The following GLIS3 variants were observed in gnomAD, a reference collection of about 807,000 sequenced individuals.
GLIS3 encodes the protein GLIS family zinc finger 3, also known as zinc finger protein GLIS3.
A neutral mutation model predicts 78.6 loss-of-function variants in GLIS3; 53 were observed. That is an observed-to-expected ratio of 0.67 (90% CI 0.54 to 0.85). The LOEUF (loss-of-function observed/expected upper bound fraction) is 0.85, where lower values mean the gene tolerates loss of function less well. GLIS3 is among the 40% of genes least tolerant of loss of function. GLIS3 has a pLI of 0.00. For synonymous variants in GLIS3, 684 were observed against 509.9 expected (o/e 1.34, Z -4.60); for missense variants, 1,703 against 1,231.1 (o/e 1.38, Z -5.74).
chr9:4,195,847 G>C (rs1818786623), intron 2 of GLIS3, among the ~76,000 whole-genome samples: 10 of 152,252 alleles, frequency 6.6e-5, no homozygotes, highest in Admixed American at 6.5e-4. Context: ...CCAGTGTTCT[G>C]TGTCTAGCTA....
the GLIS3 span, among the ~76,000 whole-genome samples, chr9:4,359,315 A>C: frequency 6.6e-6 from 1 of 151,778 alleles, no homozygotes; most frequent in Non-Finnish European, 1.5e-5. Flanking sequence ...TTTTCTCCTT[A>C]CCTTACTGCC....
intron 4 of GLIS3, among the ~76,000 whole-genome samples, chr9:4,012,873 A>C (rs868717505): frequency 1.3e-5 from 2 of 149,376 alleles, no homozygotes; most frequent in South Asian, 4.2e-4. Context: ...TCTGGGTTCA[A>C]GTAATTCTCC....
chr9:4,281,870 T>C (rs537328138), intron 2 of GLIS3, among the ~76,000 whole-genome samples: 25 of 152,268 alleles, frequency 1.6e-4, no homozygotes, highest in African/African-American at 5.5e-4. Context: ...ATATCACATA[T>C]CCCTGTTTCC....
At chr9:4,428,176 A>AAAT in the GLIS3 span, among the ~76,000 whole-genome samples, 124 of 151,494 alleles carry the variant, frequency 8.2e-4, no homozygotes, top group African/African-American at 2.6e-3. Context: ...TGCCTACCAA[A>AAAT]AATAATAATA....
At chr9:4,467,421 C>T in the GLIS3 span, among the ~76,000 whole-genome samples, 8 of 152,126 alleles carry the variant, frequency 5.3e-5, no homozygotes, top group African/African-American at 1.4e-4. Flanking sequence ...ACAGGACCCT[C>T]GGAGATGAAG....
chr9:4,439,903 G>A, the GLIS3 span, among the ~76,000 whole-genome samples: 1 of 152,096 alleles, frequency 6.6e-6, no homozygotes, highest in Non-Finnish European at 1.5e-5. Context: ...GGCTGGTCTT[G>A]AACTCCTGTG....
At chr9:4,457,178 T>G in the GLIS3 span, among the ~76,000 whole-genome samples, 20 of 152,008 alleles carry the variant, frequency 1.3e-4, 1 homozygote, top group South Asian at 4.2e-3. Flanking sequence ...GCTGAGGCAA[T>G]ATAGTGAGAC....
chr9:3,956,555 T>G (rs1202422331), intron 4 of GLIS3, among the ~76,000 whole-genome samples: 2 of 152,200 alleles, frequency 1.3e-5, no homozygotes, highest in African/African-American at 4.8e-5. Context: ...CTCAGCCCAT[T>G]CTTAAGTAAC....
chr9:3,901,963 T>C (rs1176793189), intron 6 of GLIS3, among the ~76,000 whole-genome samples: 1 of 152,236 alleles, frequency 6.6e-6, no homozygotes. Flanking sequence ...CCACATGTTT[T>C]ACCAAGGGCA....
chr9:3,844,539 A>G (rs1364383509), intron 9 of GLIS3, among the ~76,000 whole-genome samples: 4 of 152,258 alleles, frequency 2.6e-5, no homozygotes, highest in African/African-American at 7.2e-5. Flanking sequence ...TGCTAAGTCT[A>G]TAATAATATT....
intron 2 of GLIS3, among the ~76,000 whole-genome samples, chr9:4,270,319 C>T (rs1426921835): frequency 2.6e-5 from 4 of 152,178 alleles, no homozygotes; most frequent in Non-Finnish European, 1.5e-5. Flanking sequence ...TACTAATTAT[C>T]TATTGCTACA....
intron 2 of GLIS3, among the ~76,000 whole-genome samples, chr9:4,204,263 C>T (rs1262322834): frequency 1.3e-5 from 2 of 152,092 alleles, no homozygotes; most frequent in Non-Finnish European, 1.5e-5. Flanking sequence ...GTACAGTTAG[C>T]GATTTTATAA....
chr9:4,269,349 G>A (rs1313803665), intron 2 of GLIS3, among the ~76,000 whole-genome samples: 2 of 151,828 alleles, frequency 1.3e-5, no homozygotes, highest in African/African-American at 4.9e-5. Context: ...GTCTTGATCT[G>A]CGCTTAAAAC....
chr9:4,372,411 C>G, the GLIS3 span, among the ~76,000 whole-genome samples: 1 of 151,916 alleles, frequency 6.6e-6, no homozygotes, highest in African/African-American at 2.4e-5. Context: ...TAGCTAATTC[C>G]TAGAGATAGC....
chr9:4,086,890 T>C (rs982913159), intron 4 of GLIS3, among the ~76,000 whole-genome samples: 4 of 152,214 alleles, frequency 2.6e-5, no homozygotes, highest in Admixed American at 6.5e-5. Flanking sequence ...CTCCACAGTC[T>C]AACTGATAAC....
At chr9:4,137,361 A>T (rs1245323369) in intron 2 of GLIS3, among the ~76,000 whole-genome samples, 1 of 152,218 alleles carries the variant, frequency 6.6e-6, no homozygotes, top group Non-Finnish European at 1.5e-5. Context: ...AAAGAACATA[A>T]CTTTCATACC....
Position 3,825,794 on chromosome 9 carries a change from A to C in GLIS3, c.*2478T>G, listed in dbSNP as rs1227841272. The C allele has an allele frequency of 6.6e-6, 1 of 152,250 alleles. No individual in the cohort carries two copies. The highest frequency in any genetic ancestry group is 1.5e-5 in the Non-Finnish European group (1 of 68,058). The allele number at this position is 152,250 out of a possible 1,614,324, so 9.4% of individuals were successfully genotyped here. A position where few individuals can be genotyped will look rare whatever the true frequency, so the allele number is the denominator to read the frequency against. ...CTGCAATCTCAAGCCTGCAGCTATC[A>C]GGAAAGACCCACGGTGCGGGAAGCA... On this transcript the variant is annotated 3_prime_UTR_variant, in exon 11 of 11. Coordinates refer to ENST00000381971, the MANE Select transcript of GLIS3 (RefSeq NM_001042413.2).
At chr9:4,271,760 T>C (rs1198346641) in intron 2 of GLIS3, among the ~76,000 whole-genome samples, 2 of 152,170 alleles carry the variant, frequency 1.3e-5, no homozygotes, top group African/African-American at 4.8e-5. Context: ...TAGAAAGCAC[T>C]GATCTCCTGC....
chr9:4,378,470 G>A, the GLIS3 span, among the ~76,000 whole-genome samples: 1 of 151,854 alleles, frequency 6.6e-6, no homozygotes, highest in African/African-American at 2.4e-5. Context: ...CTGACTCTGG[G>A]AAGAACCAGG....
Sources: gnomAD v4.1 joint callset for allele counts (sites outside exome capture counted in the v4.1 genomes callset) on GRCh38, gnomAD v4.1.1 for gene constraint, MANE v1.5 for transcripts, NCBI Gene and HGNC (gene_info 2026-07-23, HGNC 2026-07-21) for gene names.